The following KANSL1 variants were observed in gnomAD, a reference collection of about 807,000 sequenced individuals.
The protein encoded by KANSL1 is KAT8 regulatory NSL complex subunit 1.
In KANSL1, 22 loss-of-function variants were observed where a neutral mutation model predicts 103.6. The observed-to-expected ratio is 0.21, with a 90% CI of 0.15 to 0.30. The LOEUF is 0.30. Among genes scored for constraint, KANSL1 ranks in the 10% least tolerant of loss-of-function variants. KANSL1 has a pLI of 1.00. For synonymous variants in KANSL1, 600 were observed against 527.6 expected, an observed-to-expected ratio of 1.14 and a Z score of -1.88; for missense variants, 1,337 against 1,399.8, an observed-to-expected ratio of 0.96 and a Z score of 0.72.
intron 9 of KANSL1, 85 bp downstream of exon 9, chr17:46,038,942 G>A: frequency 6.7e-7 from 1 of 1,487,472 alleles, no homozygotes; most frequent in Non-Finnish European, 9.1e-7. Context: ...GACAAAGCTG[G>A]GGGTAATTAA....
At chr17:46,096,078 T>C (rs2042048460) in intron 2 of KANSL1, among the ~76,000 whole-genome samples, 1 of 151,080 alleles carries the variant, frequency 6.6e-6, no homozygotes, top group Non-Finnish European at 1.5e-5. Flanking sequence ...TTTTGAAAAA[T>C]AATTTGAAAA....
chr17:46,075,025 G>A (rs2078709624), intron 4 of KANSL1, among the ~76,000 whole-genome samples: 1 of 152,018 alleles, frequency 6.6e-6, no homozygotes, highest in African/African-American at 2.4e-5. Context: ...TTTGTGGAAC[G>A]CTATACAAAA....
intron 13 of KANSL1, chr17:46,032,610 T>A (rs1000134156): frequency 5.4e-6 from 2 of 370,294 alleles, no homozygotes; most frequent in Non-Finnish European, 9.7e-6. Context: ...AAAGTAAAAG[T>A]AAGAGCTCCC....
intron 2 of KANSL1, among the ~76,000 whole-genome samples, chr17:46,124,979 T>C (rs905806581): frequency 2.8e-5 from 4 of 144,232 alleles, no homozygotes; most frequent in African/African-American, 1.0e-4. Flanking sequence ...AATCGAGAAT[T>C]AGAAGGAAAG....
At chr17:46,135,048 G>T (rs1471159966) in intron 2 of KANSL1, among the ~76,000 whole-genome samples, 1 of 152,106 alleles carries the variant, frequency 6.6e-6, no homozygotes, top group Non-Finnish European at 1.5e-5. Flanking sequence ...CTACCTGATA[G>T]TCTCTTCTGG....
chr17:46,038,559 T>A lies in KANSL1; in HGVS notation c.2520A>T (p.Ser840=), dbSNP rs777242394. ...TTACCGATGTGCTGGCTGTAACCTG[T>A]GAGCTAGAGCTGGCGGGTGCAGGGG... ...SDSPAPASSS[S]QVTASTSQQP... The change falls in exon 10 of 15, where the codon TCA becomes TCT. Residue 840 remains serine, a synonymous_variant. Coordinates refer to ENST00000432791, the MANE Select transcript of KANSL1 (RefSeq NM_015443.4). The A allele has an allele frequency of 6.2e-7, 1 of 1,612,410 alleles. No individual in the cohort carries two copies. Among genetic ancestry groups the A allele is most frequent in the Non-Finnish European group, 8.5e-7 (1 of 1,178,554 alleles).
intron 1 of KANSL1, among the ~76,000 whole-genome samples, chr17:46,201,538 A>G (rs1004407679): frequency 3.9e-5 from 6 of 152,216 alleles, no homozygotes; most frequent in Admixed American, 3.3e-4. Flanking sequence ...CTGAACCATC[A>G]GAAACACTGT....
At position 46,030,510 on chromosome 17, in the gene KANSL1, G is replaced by A. The variant is rs1448289477; in HGVS notation, c.*966C>T. ...GACCAGACAATGTTCCACAGGCAAG[G>A]GGAGCGTGAAAGACCAAGAGTGGAA... On this transcript the variant is annotated 3_prime_UTR_variant, in exon 15 of 15. Transcript: ENST00000432791. 1.3e-5 allele frequency: 2 copies of A among 151,952 alleles called. No homozygotes were observed. Among genetic ancestry groups the A allele is most frequent in the Non-Finnish European group, 2.9e-5 (2 of 68,052 alleles). The allele number at this position is 151,952 out of a possible 1,614,324, so 9.4% of individuals were successfully genotyped here.
intron 6 of KANSL1, among the ~76,000 whole-genome samples, chr17:46,061,700 G>A (rs2078162685): frequency 6.6e-6 from 1 of 152,130 alleles, no homozygotes; most frequent in Admixed American, 6.5e-5. Flanking sequence ...TCCACATTCA[G>A]AGTTGTAGAG....
At chr17:46,112,625 T>C (rs1457901794) in intron 2 of KANSL1, among the ~76,000 whole-genome samples, 1 of 151,838 alleles carries the variant, frequency 6.6e-6, no homozygotes, top group Non-Finnish European at 1.5e-5. Flanking sequence ...GCAGAGGTTG[T>C]AGTGAGCCAA....
chr17:46,144,598 T>C (rs1227971074), intron 2 of KANSL1, among the ~76,000 whole-genome samples: 1 of 152,144 alleles, frequency 6.6e-6, no homozygotes, highest in Non-Finnish European at 1.5e-5. Context: ...ATACATAACC[T>C]GTATATGACA....
chr17:46,190,612 G>C (rs942427128), intron 1 of KANSL1, among the ~76,000 whole-genome samples: 1 of 152,210 alleles, frequency 6.6e-6, no homozygotes, highest in Non-Finnish European at 1.5e-5. Flanking sequence ...ATACTCAAAT[G>C]AGGTGGCCAT....
intron 7 of KANSL1, chr17:46,045,440 A>AAAAAAAAAAAAATATATATATATAT (rs950085495): frequency 4.8e-5 from 7 of 144,980 alleles, no homozygotes; most frequent in East Asian, 1.9e-4. Flanking sequence ...TACATGTAAA[A>AAAAAAAAAAAAATATATATATATAT]ATATATATAT....
intron 1 of KANSL1, among the ~76,000 whole-genome samples, chr17:46,173,215 C>A (rs1440609571): frequency 2.0e-5 from 3 of 152,218 alleles, no homozygotes; most frequent in African/African-American, 7.2e-5. Context: ...AAGGTCCCTT[C>A]TGCCCTCTTC....
chr17:46,185,656 CATAT>C (rs377660109), intron 1 of KANSL1, among the ~76,000 whole-genome samples: 2 of 148,544 alleles, frequency 1.3e-5, no homozygotes, highest in Admixed American at 6.8e-5. Context: ...TCCCATTAAA[CATAT>C]ATATATACAC....
intron 11 of KANSL1, 46 bp downstream of exon 11, chr17:46,034,115 A>G (rs917586037): frequency 9.3e-6 from 15 of 1,606,884 alleles, no homozygotes; most frequent in Admixed American, 3.4e-5. Context: ...AAAAAGGGCA[A>G]TAGCAGGAAG....
At chr17:46,195,734 CTTTT>C (rs1352190615), upstream of KANSL1, among the ~76,000 whole-genome samples, 4 of 152,100 alleles carry the variant, frequency 2.6e-5, no homozygotes, top group African/African-American at 9.7e-5. Context: ...TTTTTCACTC[CTTTT>C]TGTTTTGGTA....
In KANSL1 at chr17:46,031,686, C is replaced by T; in HGVS notation, c.3108G>A (p.Glu1036=). 1 of 1,608,462 alleles carries T rather than the reference C, an allele frequency of 6.2e-7. No homozygotes were observed. The highest frequency in any genetic ancestry group is 8.5e-7 in the Non-Finnish European group (1 of 1,175,718). ...TGTGCGCCAGGGGGAAGGTCCGCCGCTCCCAGGGCTGGACAGACTGTAGGC... is the reference window on the plus strand; with the variant it reads ...TGTGCGCCAGGGGGAAGGTCCGCCGTTCCCAGGGCTGGACAGACTGTAGGC... ...GLDEQSVQPW[E]RRTFPLAHSP... is the part of the protein sequence containing the mutation. The change falls in exon 15 of 15, where the codon GAG becomes GAA. Residue 1036 remains glutamate (E), a synonymous_variant. Transcript: ENST00000432791.
chr17:46,050,384 CTT>C, intron 7 of KANSL1, 147 bp downstream of exon 7: 1 of 762,730 alleles, frequency 1.3e-6, no homozygotes, highest in Non-Finnish European at 2.1e-6. Context: ...CTGTTACAGT[CTT>C]TTTGCAAAAT....
Sources: gnomAD v4.1 joint callset for allele counts (sites outside exome capture counted in the v4.1 genomes callset) on GRCh38, gnomAD v4.1.1 for gene constraint, MANE v1.5 for transcripts, NCBI Gene and HGNC (gene_info 2026-07-23, HGNC 2026-07-21) for gene names.